SPTLC2: variants seen among roughly 807,000 people sequenced by gnomAD.
The protein encoded by SPTLC2 is serine palmitoyltransferase 2.
Under a neutral mutation model 62.0 loss-of-function variants are expected in SPTLC2, and 21 were observed. That is an observed-to-expected ratio of 0.34 (90% confidence interval 0.24 to 0.49). SPTLC2 has a LOEUF of 0.49. Ranked by LOEUF, SPTLC2 falls within the 20% of genes least tolerant of loss-of-function variation. The probability of loss-of-function intolerance (pLI) is 0.99; values close to 1 mark genes in which losing one functional copy is unlikely to be tolerated. For synonymous variants in SPTLC2, 261 were observed against 261.8 expected (o/e 1.00, Z 0.03); for missense variants, 511 against 713.0 (o/e 0.72, Z 3.23).
chr14:77,578,670 A>AG, intron 3 of SPTLC2: 1 of 329,788 alleles, frequency 3.0e-6, no homozygotes, highest in Non-Finnish European at 5.9e-6. Context: ...CAGTGAGCTG[A>AG]GATCACGCCA....
chr14:77,555,368 C>T lies in SPTLC2; in HGVS notation c.1108G>A (p.Val370Met). ...GTGAACGTTCCCATCATAACATCCA[C>T]ATCCTCGGGATCCAGGCCAAAGTAC... is the stretch of plus-strand genomic sequence containing the variant. ...VEYFGLDPED[V>M]DVMMGTFTKS... is the part of the protein sequence containing the mutation. The change falls in exon 8 of 12, where the codon GTG becomes ATG. Residue 370 changes from valine to methionine, a missense_variant. Physicochemically the swap from Val to Met is conservative, Grantham distance 21. Transcript: ENST00000216484. 4 of 1,614,180 alleles carry T rather than the reference C, an allele frequency of 2.5e-6. No individual in the cohort carries two copies. The highest frequency in any genetic ancestry group is 3.4e-6 in the Non-Finnish European group (4 of 1,180,034).
intron 7 of SPTLC2, among the ~76,000 whole-genome samples, chr14:77,556,320 A>G (rs56225479): frequency 0.38 from 57,940 of 151,560 alleles, 11,360 homozygotes; most frequent in Admixed American, 0.45. Context: ...CTTAAAAAAA[A>G]AGCCACCCAA....
Position 77,559,320 on chromosome 14 carries a change from CA to C in SPTLC2, c.851-2175del, listed in dbSNP as rs36058499. On this transcript the variant is annotated intron_variant, in intron 6 of 11. Coordinates refer to ENST00000216484, the MANE Select transcript of SPTLC2 (RefSeq NM_004863.4). ...CCTGGGTGACAGAGCAAGACTGTTTCAAAAAAAAGAAATACCTATAGCAGAA... is the reference window on the plus strand; with the variant it reads ...CCTGGGTGACAGAGCAAGACTGTTTCAAAAAAAGAAATACCTATAGCAGAA... Among the ~76,000 whole-genome samples, 5 of 151,270 alleles carry C rather than the reference CA, an allele frequency of 3.3e-5. 1 individual carries two copies. The highest frequency in any genetic ancestry group is 1.2e-4 in the African/African-American group (5 of 41,296).
At chr14:77,529,439 G>C (rs2079425828) in intron 9 of SPTLC2, among the ~76,000 whole-genome samples, 1 of 151,224 alleles carries the variant, frequency 6.6e-6, no homozygotes, top group South Asian at 2.1e-4. Flanking sequence ...TCTTACACAA[G>C]TGTTTATAAC....
intron 9 of SPTLC2, chr14:77,535,470 G>C (rs2079464962): frequency 6.5e-6 from 1 of 153,830 alleles, no homozygotes; most frequent in African/African-American, 2.4e-5. Context: ...TCTATATTTA[G>C]AATAGATGCA....
At chr14:77,575,183 G>A (rs1055826244) in intron 4 of SPTLC2, among the ~76,000 whole-genome samples, 7 of 152,102 alleles carry the variant, frequency 4.6e-5, no homozygotes, top group Non-Finnish European at 1.0e-4. Context: ...CTGCACCACC[G>A]CACTCCAGCC....
In SPTLC2 at chr14:77,508,965, G is replaced by A. The variant is rs2079319055; in HGVS notation, c.*3319C>T. On this transcript the variant is annotated 3_prime_UTR_variant, in exon 12 of 12. Coordinates refer to ENST00000216484, the MANE Select transcript of SPTLC2 (RefSeq NM_004863.4). ...AAGAAAGAAAGGCCAAATAAAGGAA[G>A]AAGGCATTACGGAGACAAATCACTG... is the stretch of plus-strand genomic sequence containing the variant. 6.6e-6 allele frequency: 1 copy of A among 152,188 alleles called. No individual in the cohort carries two copies. The highest frequency in any genetic ancestry group is 2.1e-4 in the South Asian group (1 of 4,834). 9.4% of individuals were successfully genotyped at this position (152,188 alleles called of 1,614,324 possible).
intron 9 of SPTLC2, among the ~76,000 whole-genome samples, chr14:77,529,409 G>C (rs561295003): frequency 6.6e-6 from 1 of 150,920 alleles, no homozygotes. Context: ...TCTAAAACTG[G>C]AACTTATATC....
intron 9 of SPTLC2, chr14:77,547,759 C>T (rs1250155281): frequency 2.6e-5 from 4 of 151,928 alleles, no homozygotes; most frequent in South Asian, 2.1e-4. Context: ...GGTGCAGACA[C>T]GTCTCTGGCA....
intron 1 of SPTLC2, among the ~76,000 whole-genome samples, chr14:77,613,924 A>G (rs1483946319): frequency 1.3e-5 from 2 of 152,242 alleles, no homozygotes; most frequent in Admixed American, 6.5e-5. Context: ...CTTTTGTATA[A>G]GAAAGAAAAA....
chr14:77,561,172 T>C (rs998907038), intron 6 of SPTLC2, among the ~76,000 whole-genome samples: 1 of 152,220 alleles, frequency 6.6e-6, no homozygotes, highest in African/African-American at 2.4e-5. Context: ...ACTGTAGTGC[T>C]GTTCCCAGTA....
At chr14:77,599,499 T>C (rs548585714) in intron 1 of SPTLC2, among the ~76,000 whole-genome samples, 2 of 152,370 alleles carry the variant, frequency 1.3e-5, no homozygotes, top group Non-Finnish European at 2.9e-5. Flanking sequence ...GCTTCAGTGT[T>C]ACAGACTGGA....
At position 77,564,251 on chromosome 14, in the gene SPTLC2, A is replaced by AAAAGG. The variant is rs1183067072; in HGVS notation, c.757-1763_757-1762insCCTTT. ...TGTCTGGGGGGAAAAAAAAAAAAAA[A>AAAAGG]AGGAGGAGGAGGAGGAAGAGGAGGA... On this transcript the variant is annotated intron_variant, in intron 5 of 11. Transcript: ENST00000216484. Among the ~76,000 whole-genome samples the AAAAGG allele has an allele frequency of 4.7e-3, 689 of 147,882 alleles. 7 individuals carry two copies. Among genetic ancestry groups the AAAAGG allele is most frequent in the Middle Eastern group, 0.021 (6 of 290 alleles).
At chr14:77,551,546 T>C (rs572463476) in intron 9 of SPTLC2, among the ~76,000 whole-genome samples, 40 of 152,232 alleles carry the variant, frequency 2.6e-4, no homozygotes, top group African/African-American at 8.4e-4. Context: ...AGAATAAAAG[T>C]CAAATGTCAG....
intron 9 of SPTLC2, 77 bp from the exon 10 acceptor site, chr14:77,521,658 T>A: frequency 7.6e-7 from 1 of 1,312,760 alleles, no homozygotes; most frequent in Non-Finnish European, 1.1e-6. Context: ...ATCTCCTCTA[T>A]CTCCATTCTA....
chr14:77,508,725 C>T lies in SPTLC2; in HGVS notation c.*3559G>A, dbSNP rs949817944. 6.6e-6 allele frequency: 1 copy of T among 152,078 alleles called. No individual in the cohort carries two copies. The highest frequency in any genetic ancestry group is 6.6e-5 in the Admixed American group (1 of 15,262). The allele number at this position is 152,078 out of a possible 1,614,324, so 9.4% of individuals were successfully genotyped here. A position where few individuals can be genotyped will look rare whatever the true frequency, so the allele number is the denominator to read the frequency against. ...ACTAGTTGAGAAATTTAGATGCAGG[C>T]TCCCTTAGGTAATGAAGAAATTTGA... On this transcript the variant is annotated 3_prime_UTR_variant, in exon 12 of 12. Transcript: ENST00000216484.
rs989329597 is a variant in SPTLC2 at position 77,603,891 on chromosome 14, A to G, written c.133-6511T>C. 8.5e-5 allele frequency among the ~76,000 whole-genome samples: 13 copies of G among 152,138 alleles called. No individual in the cohort carries two copies. In the South Asian group the frequency reaches 1.7e-3, roughly 19 times the overall value. ...TAAGCATCACGGTGTAAGAGATGCAAGAGCCTGAAGACTGGAGTACAAGTG... is the reference window on the plus strand; with the variant it reads ...TAAGCATCACGGTGTAAGAGATGCAGGAGCCTGAAGACTGGAGTACAAGTG... On this transcript the variant is annotated intron_variant, in intron 1 of 11. Coordinates refer to ENST00000216484, the MANE Select transcript of SPTLC2 (RefSeq NM_004863.4).
intron 5 of SPTLC2, among the ~76,000 whole-genome samples, 181 bp from the exon 6 acceptor site, chr14:77,562,670 AC>A (rs1329660848): frequency 1.3e-5 from 2 of 152,248 alleles, no homozygotes. Flanking sequence ...TTGTAAAGAC[AC>A]CTTAAAAGTA....
Position 77,512,291 on chromosome 14 carries a change from T to C in SPTLC2, c.1682A>G (p.Glu561Gly). The change falls in exon 12 of 12, where the codon GAA (glutamate) becomes GGA (glycine). Residue 561 changes from glutamate to glycine, a missense_variant. Glu to Gly is a moderately conservative substitution (Grantham distance 98, BLOSUM62 -2). Transcript: ENST00000216484. ...PFDETTYEET[E>G]D ...AGGGAGCACCAAAAAGGCTCAGTCT[T>C]CTGTTTCTTCATACGTCGTCTCGTC... 6 of 1,614,024 alleles carry C rather than the reference T, an allele frequency of 3.7e-6. No individual in the cohort carries two copies. Among genetic ancestry groups the C allele is most frequent in the Non-Finnish European group, 5.1e-6 (6 of 1,180,012 alleles).
Sources: allele counts gnomAD v4.1 joint callset (sites outside exome capture counted in the v4.1 genomes callset), GRCh38; gene constraint gnomAD v4.1.1; transcripts MANE v1.5; gene names NCBI Gene and HGNC (gene_info 2026-07-23, HGNC 2026-07-21).